Variants in MDGA2 observed in about 807,000 individuals in gnomAD.
MDGA2 encodes MAM domain-containing glycosylphosphatidylinositol anchor protein 2.
In MDGA2, 40 loss-of-function variants were observed where a neutral mutation model predicts 117.8. The ratio of observed to expected loss-of-function variants is 0.34; its 90% CI spans 0.26 to 0.44. MDGA2 has a LOEUF of 0.44. Among genes scored for constraint, MDGA2 ranks in the 20% least tolerant of loss-of-function variants. MDGA2 has a pLI of 1.00. For missense variants in MDGA2, 1,123 were observed against 1,250.6 expected (o/e 0.90, Z 1.54); for synonymous variants, 452 against 439.0 (o/e 1.03, Z -0.37).
intron 8 of MDGA2, among the ~76,000 whole-genome samples, chr14:46,999,490 T>G (rs1026839553): frequency 2.8e-4 from 43 of 152,192 alleles, no homozygotes; most frequent in African/African-American, 1.0e-3. Flanking sequence ...AAAATATATT[T>G]TTTGCACTGT....
intron 6 of MDGA2, among the ~76,000 whole-genome samples, chr14:47,080,849 A>T (rs1382437093): frequency 6.6e-6 from 1 of 152,136 alleles, no homozygotes; most frequent in East Asian, 1.9e-4. Flanking sequence ...CTTGCTGCTG[A>T]TTACTTAACT....
At chr14:47,406,381 C>T (rs8019003) in intron 1 of MDGA2, among the ~76,000 whole-genome samples, 149,292 of 152,142 alleles carry the variant, frequency 0.98, 73,311 homozygotes, top group East Asian at 1. Flanking sequence ...GTACAAGTGA[C>T]TGACAATATG....
intron 1 of MDGA2, among the ~76,000 whole-genome samples, chr14:47,556,810 T>C (rs1161139285): frequency 6.6e-6 from 1 of 152,248 alleles, no homozygotes; most frequent in Non-Finnish European, 1.5e-5. Context: ...GTACAGTTCC[T>C]CGCTCCTTCT....
At chr14:47,668,410 A>C (rs1898015016) in intron 1 of MDGA2, among the ~76,000 whole-genome samples, 1 of 152,240 alleles carries the variant, frequency 6.6e-6, no homozygotes, top group Non-Finnish European at 1.5e-5. Context: ...AAGTTTCACA[A>C]ACAATGCAGG....
intron 2 of MDGA2, among the ~76,000 whole-genome samples, chr14:47,266,345 T>A: frequency 6.6e-6 from 1 of 152,144 alleles, no homozygotes; most frequent in East Asian, 1.9e-4. Flanking sequence ...CTAAATCCCA[T>A]AGGCTATACT....
At chr14:47,621,641 C>G (rs1348004870) in intron 1 of MDGA2, among the ~76,000 whole-genome samples, 1 of 152,168 alleles carries the variant, frequency 6.6e-6, no homozygotes, top group Non-Finnish European at 1.5e-5. Context: ...AAAATGTGAG[C>G]AGGGATGATG....
intron 2 of MDGA2, among the ~76,000 whole-genome samples, chr14:47,286,226 G>A: frequency 6.6e-6 from 1 of 151,976 alleles, no homozygotes; most frequent in East Asian, 1.9e-4. Flanking sequence ...ATTTAAGTTA[G>A]GAACATTCCC....
chr14:47,191,298 A>G (rs1291522285), intron 3 of MDGA2, among the ~76,000 whole-genome samples: 1 of 151,488 alleles, frequency 6.6e-6, no homozygotes, highest in African/African-American at 2.4e-5. Flanking sequence ...CTATATTTTT[A>G]AAGACTCAAT....
chr14:47,412,007 G>A (rs551462870), intron 1 of MDGA2, among the ~76,000 whole-genome samples: 1 of 152,272 alleles, frequency 6.6e-6, no homozygotes, highest in African/African-American at 2.4e-5. Flanking sequence ...TAAGAAGCCT[G>A]TCTAAAGTCT....
chr14:47,026,876 T>C lies in MDGA2; in HGVS notation c.1819+8135A>G, dbSNP rs182441992. 2.8e-4 allele frequency among the ~76,000 whole-genome samples: 43 copies of C among 152,168 alleles called. 1 individual carries two copies. Among genetic ancestry groups the C allele is most frequent in the African/African-American group, 9.6e-4 (40 of 41,508 alleles). The stretch of plus-strand genomic sequence containing the variant: ...GAACAGAGGCATGTAAACTTTTTAT[T>C]GAAAATTTAACTCAGTGGGGCGTAG... On this transcript the variant is annotated intron_variant, in intron 8 of 16. Coordinates refer to ENST00000399232, the MANE Select transcript of MDGA2 (RefSeq NM_001113498.3).
At chr14:47,269,338 T>C (rs1888070108) in intron 2 of MDGA2, among the ~76,000 whole-genome samples, 1 of 152,184 alleles carries the variant, frequency 6.6e-6, no homozygotes, top group South Asian at 2.1e-4. Context: ...ATAAAGTCAG[T>C]TACTTTCTCA....
At chr14:47,605,177 C>T (rs974891553) in intron 1 of MDGA2, among the ~76,000 whole-genome samples, 1 of 152,044 alleles carries the variant, frequency 6.6e-6, no homozygotes, top group Non-Finnish European at 1.5e-5. Flanking sequence ...ATTTATTTGC[C>T]TTTGGCAAAT....
At chr14:47,236,822 T>C (rs903937247) in intron 2 of MDGA2, among the ~76,000 whole-genome samples, 2 of 152,222 alleles carry the variant, frequency 1.3e-5, no homozygotes, top group African/African-American at 4.8e-5. Flanking sequence ...AGCTTTTTCC[T>C]GAACTGGGCC....
At chr14:47,255,438 A>G (rs1481438225) in intron 2 of MDGA2, among the ~76,000 whole-genome samples, 1 of 152,168 alleles carries the variant, frequency 6.6e-6, no homozygotes, top group African/African-American at 2.4e-5. Flanking sequence ...TTGTGTGTTC[A>G]TTGTAGGTGT....
chr14:47,157,182 G>A (rs1883422426), intron 3 of MDGA2, among the ~76,000 whole-genome samples: 2 of 152,054 alleles, frequency 1.3e-5, no homozygotes, highest in South Asian at 4.1e-4. Context: ...TTCCTACATA[G>A]CAATTTTTGA....
intron 3 of MDGA2, among the ~76,000 whole-genome samples, chr14:47,181,297 T>C (rs920637555): frequency 3.3e-5 from 5 of 152,144 alleles, no homozygotes; most frequent in African/African-American, 1.2e-4. Flanking sequence ...TGTGTTCTCA[T>C]TGTTCCACTC....
At chr14:47,368,144 T>G (rs1025202770) in intron 1 of MDGA2, among the ~76,000 whole-genome samples, 1 of 150,888 alleles carries the variant, frequency 6.6e-6, no homozygotes, top group Non-Finnish European at 1.5e-5. Flanking sequence ...TAGCCGGGAG[T>G]GGTGGCTCAT....
chr14:47,538,401 C>T (rs1022562345), intron 1 of MDGA2, among the ~76,000 whole-genome samples: 4 of 152,068 alleles, frequency 2.6e-5, no homozygotes, highest in Non-Finnish European at 4.4e-5. Context: ...TATTCAACTA[C>T]CAGGTGATTC....
At chr14:47,504,683 A>G (rs1446386760) in intron 1 of MDGA2, among the ~76,000 whole-genome samples, 2 of 152,042 alleles carry the variant, frequency 1.3e-5, no homozygotes, top group African/African-American at 4.8e-5. Context: ...TAAAAAAAAG[A>G]AAAAAAATGC....
Sources: allele counts gnomAD v4.1 joint callset (sites outside exome capture counted in the v4.1 genomes callset), GRCh38; gene constraint gnomAD v4.1.1; transcripts MANE v1.5; gene names NCBI Gene and HGNC (gene_info 2026-07-23, HGNC 2026-07-21).